Variants in CELA2B observed in about 807,000 individuals in gnomAD.
CELA2B encodes the protein chymotrypsin like elastase 2B.
CELA2B carries 27 observed loss-of-function variants against 36.5 expected under a neutral mutation model. The ratio of observed to expected loss-of-function variants is 0.74; its 90% CI spans 0.55 to 1.02. The LOEUF is 1.02. Among genes scored for constraint, CELA2B ranks in the 50% least tolerant of loss-of-function variants. The probability of loss-of-function intolerance (pLI) is 0.00; values close to 1 mark genes in which losing one functional copy is unlikely to be tolerated. For missense variants in CELA2B, 340 were observed against 347.8 expected (o/e 0.98, Z 0.18); for synonymous variants, 143 against 148.5 (o/e 0.96, Z 0.27).
chr1:15,488,798 G>A (rs1352053615), intron 7 of CELA2B, among the ~76,000 whole-genome samples: 1 of 152,180 alleles, frequency 6.6e-6, no homozygotes, highest in South Asian at 2.1e-4. Flanking sequence ...CGTGGTCAGG[G>A]GAGAAAACTA....
chr1:15,478,710 T>A (rs897132046), intron 2 of CELA2B, among the ~76,000 whole-genome samples: 1 of 151,684 alleles, frequency 6.6e-6, no homozygotes, highest in African/African-American at 2.4e-5. Context: ...GAATTAGAGA[T>A]GTGTGCCACC....
intron 3 of CELA2B, chr1:15,481,561 G>C: frequency 2.0e-6 from 1 of 504,432 alleles, no homozygotes; most frequent in East Asian, 5.8e-5. Context: ...TGGAGTAACA[G>C]AATTTAGTGT....
At chr1:15,487,229 C>T (rs920848256) in intron 6 of CELA2B, 56 bp from the exon 7 acceptor site, 2 of 1,501,748 alleles carry the variant, frequency 1.3e-6, no homozygotes, top group African/African-American at 2.8e-5. Flanking sequence ...AACAATGGTT[C>T]CAATGGGCAG....
rs374204464 is a variant in CELA2B at position 15,487,421 on chromosome 1, A to T, written c.776A>T (p.Asn259Ile). 3.7e-6 allele frequency: 6 copies of T among 1,614,180 alleles called. No homozygotes were observed. Among genetic ancestry groups the T allele is most frequent in the Non-Finnish European group, 5.1e-6 (6 of 1,180,032 alleles). The change falls in exon 7 of 8, where the codon AAC becomes ATC. Residue 259 changes from asparagine to isoleucine, a missense_variant. Physicochemically the swap from Asn to Ile is moderately radical, Grantham distance 149. Transcript: ENST00000375910. Reference protein sequence around the residue: ...PSIFTRVSNYNDWINSVIANN With the variant: ...PSIFTRVSNYIDWINSVIANN ...ATCTTCACGCGGGTCTCCAACTACA[A>T]CGACTGGATCAATTCGGTAAGAACC...
At position 15,476,496 on chromosome 1, in the gene CELA2B, C is replaced by T; in HGVS notation, c.80C>T (p.Ser27Phe). 6 of 1,614,150 alleles carry T rather than the reference C, an allele frequency of 3.7e-6. No homozygotes were observed. The highest frequency in any genetic ancestry group is 5.1e-6 in the Non-Finnish European group (6 of 1,180,036). ...CGVSTYAPDM[S>F]RMLGGEEARP... The stretch of plus-strand genomic sequence containing the variant: ...GTCTCCACTTACGCGCCTGATATGT[C>T]TAGGATGCTTGGAGGTGAAGAAGCG... Residue 27 changes from serine to phenylalanine, a missense_variant, in exon 2 of 8, where the codon TCT (serine) becomes TTT (phenylalanine). Coordinates refer to ENST00000375910, the MANE Select transcript of CELA2B (RefSeq NM_015849.3).
Position 15,476,181 on chromosome 1 carries a change from C to T in CELA2B, c.40+16C>T, listed in dbSNP as rs780957541. On this transcript the variant is annotated intron_variant, in intron 1 of 7. Transcript: ENST00000375910. ...GTGGCTGGAGGTAAGTCCTGTCACC[C>T]AGAGGCACTGGTTTCCCATCCCCTG... is the stretch of plus-strand genomic sequence containing the variant. 2 of 1,614,108 alleles carry T rather than the reference C, an allele frequency of 1.2e-6. No homozygotes were observed. Among genetic ancestry groups the T allele is most frequent in the East Asian group, 2.2e-5 (1 of 44,864 alleles).
chr1:15,486,436 G>A (rs958663967), intron 6 of CELA2B, among the ~76,000 whole-genome samples: 32 of 152,158 alleles, frequency 2.1e-4, no homozygotes, highest in Non-Finnish European at 4.3e-4. Flanking sequence ...CTGAGATGAT[G>A]CCACTGCACT....
intron 2 of CELA2B, among the ~76,000 whole-genome samples, chr1:15,480,504 G>A (rs536359210): frequency 6.6e-6 from 1 of 152,196 alleles, no homozygotes; most frequent in East Asian, 1.9e-4. Context: ...CAGCATGGCT[G>A]GGGAGGCCTC....
chr1:15,476,290 A>C (rs1208862160), intron 1 of CELA2B, 125 bp downstream of exon 1: 5 of 1,462,632 alleles, frequency 3.4e-6, no homozygotes, highest in East Asian at 2.3e-5. Flanking sequence ...ATCATAAGAA[A>C]ACCGAAATGG....
chr1:15,487,745 CCA>C (rs1443095128), intron 7 of CELA2B, among the ~76,000 whole-genome samples: 9 of 152,084 alleles, frequency 5.9e-5, no homozygotes, highest in Non-Finnish European at 1.2e-4. Context: ...TGTGTGTGGC[CCA>C]GACTCTACCA....
At chr1:15,485,044 T>G (rs1338889017) in intron 5 of CELA2B, among the ~76,000 whole-genome samples, 2 of 152,032 alleles carry the variant, frequency 1.3e-5, no homozygotes, top group African/African-American at 4.8e-5. Flanking sequence ...ATTACAGGCA[T>G]GTGCACCACG....
At chr1:15,491,224 G>C in intron 7 of CELA2B, 71 bp from the exon 8 acceptor site, 1 of 1,596,946 alleles carries the variant, frequency 6.3e-7, no homozygotes, top group Non-Finnish European at 8.6e-7. Context: ...GGAGGACAGA[G>C]ACAGGAAACT....
At chr1:15,483,698 C>T (rs1259682817) in intron 5 of CELA2B, among the ~76,000 whole-genome samples, 1 of 152,158 alleles carries the variant, frequency 6.6e-6, no homozygotes, top group Non-Finnish European at 1.5e-5. Flanking sequence ...GAGGCCGAGA[C>T]GAGCAGATCA....
At chr1:15,484,372 G>A (rs1488332757) in intron 5 of CELA2B, among the ~76,000 whole-genome samples, 7 of 152,054 alleles carry the variant, frequency 4.6e-5, no homozygotes, top group Non-Finnish European at 1.5e-5. Flanking sequence ...TTCTAGGAAG[G>A]GATGAGTGAT....
chr1:15,479,332 G>A (rs1708713373), intron 2 of CELA2B, among the ~76,000 whole-genome samples: 1 of 152,052 alleles, frequency 6.6e-6, no homozygotes, highest in African/African-American at 2.4e-5. Flanking sequence ...ATCACCTGAG[G>A]TCAGGAGTTG....
At chr1:15,484,469 C>T (rs924531774) in intron 5 of CELA2B, among the ~76,000 whole-genome samples, 21 of 152,306 alleles carry the variant, frequency 1.4e-4, no homozygotes, top group African/African-American at 5.1e-4. Context: ...AGTATAATGA[C>T]ATGTTTTTCC....
chr1:15,486,428 G>A (rs1214242039), intron 6 of CELA2B, among the ~76,000 whole-genome samples: 2 of 152,186 alleles, frequency 1.3e-5, no homozygotes, highest in East Asian at 3.9e-4. Context: ...GCAGTGAGCT[G>A]AGATGATGCC....
Position 15,489,648 on chromosome 1 carries a change from G to A in CELA2B, c.793-1647G>A, listed in dbSNP as rs1375829220. Among the ~76,000 whole-genome samples, 5 of 152,310 alleles carry A rather than the reference G, an allele frequency of 3.3e-5. No homozygotes were observed. In the East Asian group the frequency reaches 9.7e-4, roughly 29 times the overall value. On this transcript the variant is annotated intron_variant, in intron 7 of 7. Coordinates refer to ENST00000375910, the MANE Select transcript of CELA2B (RefSeq NM_015849.3). Reference sequence around the variant, plus strand: ...AGTACAAGCAAAAGATAAGAGCAGAGAAGCAGAGGAGACAAGTGGCCTGCG... The same window carrying A: ...AGTACAAGCAAAAGATAAGAGCAGAAAAGCAGAGGAGACAAGTGGCCTGCG...
At chr1:15,485,177 G>A (rs1201681922) in intron 5 of CELA2B, among the ~76,000 whole-genome samples, 1 of 152,182 alleles carries the variant, frequency 6.6e-6, no homozygotes. Flanking sequence ...ATTACAGGGT[G>A]AGCTACCATG....
Sources: allele counts gnomAD v4.1 joint callset (sites outside exome capture counted in the v4.1 genomes callset), GRCh38; gene constraint gnomAD v4.1.1; transcripts MANE v1.5; gene names NCBI Gene and HGNC (gene_info 2026-07-23, HGNC 2026-07-21).